The following MAST2 variants were observed in gnomAD, a reference collection of about 807,000 sequenced individuals.
MAST2 encodes the protein microtubule associated serine/threonine kinase 2.
In MAST2, 70 loss-of-function variants were observed where a neutral mutation model predicts 147.4. The ratio of observed to expected loss-of-function variants is 0.47; its 90% confidence interval spans 0.39 to 0.58. The LOEUF is 0.58. MAST2 is among the 20% of genes least tolerant of loss of function. MAST2 has a pLI of 0.00. For synonymous variants in MAST2, 869 were observed against 896.8 expected (o/e 0.97, Z 0.55); for missense variants, 2,080 against 2,302.3 (o/e 0.90, Z 1.98).
At chr1:45,911,428 A>G (rs1651633812) in intron 4 of MAST2, among the ~76,000 whole-genome samples, 1 of 152,232 alleles carries the variant, frequency 6.6e-6, no homozygotes, top group Non-Finnish European at 1.5e-5. Flanking sequence ...ACTGCTCTGC[A>G]ATAGTACTGC....
intron 3 of MAST2, among the ~76,000 whole-genome samples, chr1:45,836,320 A>G (rs1221776345): frequency 6.6e-6 from 1 of 152,084 alleles, no homozygotes; most frequent in African/African-American, 2.4e-5. Context: ...TGTGGCTTTG[A>G]TTAGTATTAT....
intron 3 of MAST2, among the ~76,000 whole-genome samples, chr1:45,842,001 C>T (rs960226763): frequency 1.3e-5 from 2 of 152,118 alleles, no homozygotes; most frequent in African/African-American, 4.8e-5. Flanking sequence ...CAGATGCTGG[C>T]TTTAGATAAT....
In MAST2 at chr1:46,031,705, G is replaced by A. The variant is rs190322133; in HGVS notation, c.3187+120G>A. ...TGTGTTAAGCACAGATCTGACTGTG[G>A]TCTCTGAAGGTGTGTATTGGTGTCT... On this transcript the variant is annotated intron_variant, in intron 24 of 28. Coordinates refer to ENST00000361297, the MANE Select transcript of MAST2 (RefSeq NM_015112.3). The surrounding 1 kb of genome is among the most constrained non-coding windows in gnomAD (Gnocchi z 4.1). 16 of 994,062 alleles carry A rather than the reference G, an allele frequency of 1.6e-5. No homozygotes were observed. The East Asian group carries it at 3.7e-4, about 23-fold the overall frequency. The allele number at this position is 994,062 out of a possible 1,614,324, so 61.6% of individuals were successfully genotyped here. A position where few individuals can be genotyped will look rare whatever the true frequency, so the allele number is the denominator to read the frequency against.
At chr1:45,828,776 G>A (rs1644865070) in intron 2 of MAST2, among the ~76,000 whole-genome samples, 1 of 152,054 alleles carries the variant, frequency 6.6e-6, no homozygotes, top group Admixed American at 6.5e-5. Flanking sequence ...TACAAAACAT[G>A]AGCCAGGTGT....
At chr1:45,952,452 G>A (rs1659066430) in intron 4 of MAST2, among the ~76,000 whole-genome samples, 2 of 152,120 alleles carry the variant, frequency 1.3e-5, no homozygotes, top group Non-Finnish European at 2.9e-5. Flanking sequence ...ATTAGATAGT[G>A]GCAGTGCTTG....
chr1:45,849,556 TC>T, intron 3 of MAST2, among the ~76,000 whole-genome samples: 1 of 150,978 alleles, frequency 6.6e-6, no homozygotes, highest in Non-Finnish European at 1.5e-5. Flanking sequence ...AGATGGAGTC[TC>T]TCTCTGTCAC....
intron 3 of MAST2, among the ~76,000 whole-genome samples, chr1:45,846,186 A>T (rs887524962): frequency 1.3e-5 from 2 of 152,212 alleles, no homozygotes; most frequent in African/African-American, 4.8e-5. Context: ...ACCAGTGTAT[A>T]CAAATTTTTT....
At chr1:46,009,001 G>C (rs1645602365) in intron 9 of MAST2, among the ~76,000 whole-genome samples, 1 of 152,188 alleles carries the variant, frequency 6.6e-6, no homozygotes, top group Admixed American at 6.5e-5. Context: ...TAACTCTGCT[G>C]CTTGGCTGTG....
chr1:45,947,698 C>G (rs1238545382), intron 4 of MAST2, among the ~76,000 whole-genome samples: 1 of 152,178 alleles, frequency 6.6e-6, no homozygotes, highest in Non-Finnish European at 1.5e-5. Context: ...TGTAGAACAC[C>G]TGATAGTCTC....
chr1:45,991,552 A>C (rs998368447), intron 5 of MAST2, among the ~76,000 whole-genome samples: 2 of 152,128 alleles, frequency 1.3e-5, no homozygotes, highest in East Asian at 1.9e-4. Context: ...GATTTCTTTC[A>C]TCAGAGTTTC....
At chr1:45,974,867 A>G (rs1019326315) in intron 5 of MAST2, among the ~76,000 whole-genome samples, 10 of 152,230 alleles carry the variant, frequency 6.6e-5, no homozygotes, top group African/African-American at 2.2e-4. Context: ...TCCTGACAGA[A>G]GGCATGATAA....
intron 3 of MAST2, among the ~76,000 whole-genome samples, chr1:45,834,326 A>G (rs1036282956): frequency 7.2e-5 from 11 of 152,186 alleles, no homozygotes; most frequent in African/African-American, 2.7e-4. Context: ...ACTTGACCAG[A>G]GTCTGGAGAA....
rs1026076683 is a variant in MAST2 at position 45,987,896 on chromosome 1, C to T, written c.593-9828C>T. On this transcript the variant is annotated intron_variant, in intron 5 of 28. Coordinates refer to ENST00000361297, the MANE Select transcript of MAST2 (RefSeq NM_015112.3). ...AGGTGGTCCTCCCACCTTGGTCTCT[C>T]AAAGTGCTGGGAGTTAGTCTTTCCT... is the stretch of plus-strand genomic sequence containing the variant. Among the ~76,000 whole-genome samples, 4 of 147,644 alleles carry T rather than the reference C, an allele frequency of 2.7e-5. No homozygotes were observed. The East Asian group carries it at 6.1e-4, about 23-fold the overall frequency.
chr1:45,805,169 C>T (rs1644104541), intron 1 of MAST2, among the ~76,000 whole-genome samples: 1 of 152,078 alleles, frequency 6.6e-6, no homozygotes, highest in South Asian at 2.1e-4. Flanking sequence ...CTGCCTCAGC[C>T]TCCCGGCTAG....
In MAST2 at chr1:46,035,415, G is replaced by T. The variant is rs1166005497; in HGVS notation, c.4746G>T (p.Arg1582Ser). ...RMESPSGPHRRLGSPQAIEEA... is the reference protein window; with the variant it reads ...RMESPSGPHRSLGSPQAIEEA... ...AAAGTCCCAGTGGTCCCCACAGGAG[G>T]CTCGGGAGCCCACAAGCCATTGAGG... Residue 1582 changes from arginine to serine, a missense_variant, in exon 29 of 29, where the codon AGG (arginine) becomes AGT (serine). Transcript: ENST00000361297. This position sits in a 1 kb window ranked among gnomAD's most constrained non-coding sequence, Gnocchi z 5.5. 1.2e-6 allele frequency: 2 copies of T among 1,612,372 alleles called. No individual in the cohort carries two copies. The highest frequency in any genetic ancestry group is 1.7e-6 in the Non-Finnish European group (2 of 1,179,606).
At chr1:45,917,349 C>T (rs1195558578) in intron 4 of MAST2, 1 of 1,365,932 alleles carries the variant, frequency 7.3e-7, no homozygotes, top group Admixed American at 1.9e-5. Context: ...AATCTCTACC[C>T]TTTGCCGAGG....
intron 4 of MAST2, among the ~76,000 whole-genome samples, chr1:45,924,936 T>C (rs1654126353): frequency 6.6e-6 from 1 of 152,186 alleles, no homozygotes; most frequent in Admixed American, 6.5e-5. Context: ...CTAATGCCCT[T>C]ATCTTGGACT....
chr1:45,865,178 T>A, intron 3 of MAST2: 1 of 454,776 alleles, frequency 2.2e-6, no homozygotes. Flanking sequence ...TCTCCTTCCT[T>A]TTAATGTCTC....
In MAST2 at chr1:45,824,426, T is replaced by A; in HGVS notation, c.178-7T>A. On this transcript the variant is annotated splice_region_variant and splice_polypyrimidine_tract_variant and intron_variant, in intron 1 of 28. Coordinates refer to ENST00000361297, the MANE Select transcript of MAST2 (RefSeq NM_015112.3). ...AGACTCATGTTTTACTCTTTTTCTC[T>A]TTGAAGGATGTAGTAACTGGAGTTA... The A allele has an allele frequency of 6.3e-7, 1 of 1,586,560 alleles. No homozygotes were observed. The highest frequency in any genetic ancestry group is 8.6e-7 in the Non-Finnish European group (1 of 1,163,862).
Sources: gnomAD v4.1 joint callset for allele counts (sites outside exome capture counted in the v4.1 genomes callset) on GRCh38, gnomAD v4.1.1 for gene constraint, Gnocchi (gnomAD v3.1) non-coding constraint, MANE v1.5 for transcripts, NCBI Gene and HGNC (gene_info 2026-07-23, HGNC 2026-07-21) for gene names.